Variants in SLC17A8 observed in about 807,000 individuals in gnomAD.
SLC17A8 encodes vesicular glutamate transporter 3.
A neutral mutation model predicts 58.0 loss-of-function variants in SLC17A8; 31 were observed. The observed-to-expected ratio is 0.53, with a 90% CI of 0.40 to 0.72. SLC17A8 has a LOEUF of 0.72. SLC17A8 is among the 30% of genes least tolerant of loss of function. The pLI is 0.00. For missense variants in SLC17A8, 655 were observed against 727.8 expected (o/e 0.90, Z 1.15); for synonymous variants, 228 against 249.0 (o/e 0.92, Z 0.79).
intron 5 of SLC17A8, among the ~76,000 whole-genome samples, chr12:100,396,739 C>T (rs1360783324): frequency 2.6e-5 from 4 of 151,706 alleles, no homozygotes; most frequent in African/African-American, 7.3e-5. Context: ...CAGAGTGAGA[C>T]CTTGTATCTA....
At chr12:100,417,035 A>G (rs1006153865) in intron 10 of SLC17A8, among the ~76,000 whole-genome samples, 1 of 152,174 alleles carries the variant, frequency 6.6e-6, no homozygotes, top group Non-Finnish European at 1.5e-5. Context: ...CCTCCCAAGT[A>G]GCTGGGATTA....
rs536080500 is a variant in SLC17A8, at chr12:100,371,405, AG to A, written c.102-9294del. ...AGAACCTTTAAAAAAAAGTCTCTGT[AG>A]GTAAAGCACTCGCCATTCGTCAGGC... is the stretch of plus-strand genomic sequence containing the variant. On this transcript the variant is annotated intron_variant, in intron 1 of 11. Transcript: ENST00000323346. Among the ~76,000 whole-genome samples the A allele has an allele frequency of 2.0e-5, 3 of 152,198 alleles. No individual in the cohort carries two copies. In the South Asian group the frequency reaches 6.2e-4, roughly 31 times the overall value.
At chr12:100,408,769 A>T (rs1386918455) in intron 9 of SLC17A8, among the ~76,000 whole-genome samples, 1 of 152,216 alleles carries the variant, frequency 6.6e-6, no homozygotes, top group Admixed American at 6.5e-5. Context: ...GAGTGTAAAA[A>T]TAAAAGAAGT....
At chr12:100,373,047 A>G (rs142272350) in intron 1 of SLC17A8, among the ~76,000 whole-genome samples, 1 of 152,316 alleles carries the variant, frequency 6.6e-6, no homozygotes, top group East Asian at 1.9e-4. Context: ...TATCTTAGGC[A>G]ATTAGACCCC....
At chr12:100,393,155 G>T (rs1952728411) in intron 3 of SLC17A8, among the ~76,000 whole-genome samples, 1 of 152,088 alleles carries the variant, frequency 6.6e-6, no homozygotes, top group South Asian at 2.1e-4. Flanking sequence ...AGTAGAGATG[G>T]GGTTCACCAT....
At chr12:100,394,812 A>C (rs879604177) in intron 4 of SLC17A8, among the ~76,000 whole-genome samples, 14 of 147,572 alleles carry the variant, frequency 9.5e-5, no homozygotes, top group South Asian at 4.2e-4. Context: ...TGTATATATA[A>C]TATATACATA....
chr12:100,361,518 G>A (rs1952484468), intron 1 of SLC17A8, among the ~76,000 whole-genome samples: 1 of 152,230 alleles, frequency 6.6e-6, no homozygotes, highest in East Asian at 1.9e-4. Context: ...TCCTCCTCCT[G>A]CCCTCTTCTC....
intron 2 of SLC17A8, among the ~76,000 whole-genome samples, chr12:100,382,196 G>A (rs1952642755): frequency 6.6e-6 from 1 of 152,198 alleles, no homozygotes; most frequent in Non-Finnish European, 1.5e-5. Flanking sequence ...TAGGCATGTA[G>A]CAAGGGGCTG....
chr12:100,360,141 G>A (rs1952475314), intron 1 of SLC17A8, among the ~76,000 whole-genome samples: 1 of 152,176 alleles, frequency 6.6e-6, no homozygotes, highest in African/African-American at 2.4e-5. Flanking sequence ...TTGATAAGAA[G>A]CAGCTGAGCA....
chr12:100,366,050 C>CTTTT (rs67071341), intron 1 of SLC17A8, among the ~76,000 whole-genome samples: 92 of 90,762 alleles, frequency 1.0e-3, no homozygotes, highest in South Asian at 1.6e-3. Context: ...GTGATCCCTT[C>CTTTT]TTTTTTTTTT....
chr12:100,399,939 AC>A (rs1423703329), intron 5 of SLC17A8, among the ~76,000 whole-genome samples: 1 of 152,140 alleles, frequency 6.6e-6, no homozygotes, highest in Non-Finnish European at 1.5e-5. Flanking sequence ...GTGACTTGTC[AC>A]TTCTACCTGT....
rs77232189 is a variant in SLC17A8, at chr12:100,412,812, C to T, written c.1229C>T (p.Ser410Leu). ...EATLLLVVGFSHTKGVAISFL... is the reference protein window; with the variant it reads ...EATLLLVVGFLHTKGVAISFL... ...ACCTTACTCCTGGTGGTTGGCTTTT[C>T]GCATACCAAAGGGGTGGCTATCTCC... The change falls in exon 10 of 12, where the codon TCG becomes TTG. Residue 410 changes from serine to leucine, a missense_variant. Physicochemically the swap from Ser to Leu is moderately radical, Grantham distance 145. Coordinates refer to ENST00000323346, the MANE Select transcript of SLC17A8 (RefSeq NM_139319.3). 116 of 1,613,902 alleles carry T rather than the reference C, an allele frequency of 7.2e-5. No homozygotes were observed. Among genetic ancestry groups the T allele is most frequent in the Middle Eastern group, 1.6e-4 (1 of 6,084 alleles).
At chr12:100,419,464 C>T (rs776646398) in intron 11 of SLC17A8, among the ~76,000 whole-genome samples, 6 of 150,204 alleles carry the variant, frequency 4.0e-5, no homozygotes, top group Non-Finnish European at 8.8e-5. Flanking sequence ...ACCCAGGAGG[C>T]GGAGCTTGCA....
intron 2 of SLC17A8, among the ~76,000 whole-genome samples, chr12:100,382,357 A>G (rs1345697498): frequency 1.3e-5 from 2 of 152,220 alleles, no homozygotes; most frequent in Non-Finnish European, 2.9e-5. Flanking sequence ...CTTAAATAGT[A>G]TTGTTTTAGG....
rs1952635984 is a variant in SLC17A8 at position 100,381,334 on chromosome 12, G to A, written c.354+381G>A. ...GAATGATGGGGATAGAAAGGTGAAT[G>A]ACCTAGACTGAGCCCTGTCCTCATG... On this transcript the variant is annotated intron_variant, in intron 2 of 11. Coordinates refer to ENST00000323346, the MANE Select transcript of SLC17A8 (RefSeq NM_139319.3). Among the ~76,000 whole-genome samples, 5 of 152,186 alleles carry A rather than the reference G, an allele frequency of 3.3e-5. No individual in the cohort carries two copies. In the South Asian group the frequency reaches 1.0e-3, roughly 31 times the overall value.
intron 10 of SLC17A8, among the ~76,000 whole-genome samples, chr12:100,415,433 CAA>C (rs71303557): frequency 7.7e-5 from 10 of 130,664 alleles, no homozygotes; most frequent in Middle Eastern, 3.8e-3. Context: ...GATTCTGTCT[CAA>C]AAAAAAAAAA....
chr12:100,415,275 G>A (rs568162096), intron 10 of SLC17A8, among the ~76,000 whole-genome samples: 1 of 152,020 alleles, frequency 6.6e-6, no homozygotes, highest in East Asian at 1.9e-4. Context: ...AGACCAACCT[G>A]GCCAACATGG....
intron 10 of SLC17A8, among the ~76,000 whole-genome samples, chr12:100,416,537 G>T (rs1159965678): frequency 1.4e-5 from 2 of 146,472 alleles, no homozygotes; most frequent in Admixed American, 6.8e-5. Context: ...CCTATTTTCA[G>T]TTTTTTTTTT....
At chr12:100,373,928 T>A (rs548444375) in intron 1 of SLC17A8, among the ~76,000 whole-genome samples, 1 of 152,146 alleles carries the variant, frequency 6.6e-6, no homozygotes, top group Non-Finnish European at 1.5e-5. Context: ...TGCTGCTGAA[T>A]GAAAATGACT....
Sources: allele counts gnomAD v4.1 joint callset (sites outside exome capture counted in the v4.1 genomes callset), GRCh38; gene constraint gnomAD v4.1.1; transcripts MANE v1.5; gene names NCBI Gene and HGNC (gene_info 2026-07-23, HGNC 2026-07-21).